Variants in PCDH15 observed in about 807,000 individuals in gnomAD.
PCDH15 encodes protocadherin related 15, also known as protocadherin-15.
A neutral mutation model predicts 178.5 loss-of-function variants in PCDH15; 129 were observed. The observed-to-expected ratio is 0.72, with a 90% CI of 0.63 to 0.84. PCDH15 has a LOEUF of 0.84. Ranked by LOEUF, PCDH15 falls within the 40% of genes least tolerant of loss-of-function variation. PCDH15 has a pLI of 0.00. For synonymous variants in PCDH15, 800 were observed against 732.0 expected, an observed-to-expected ratio of 1.09 and a Z score of -1.50; for missense variants, 2,230 against 2,099.9, an observed-to-expected ratio of 1.06 and a Z score of -1.21.
In PCDH15 at chr10:55,532,639, C is replaced by G. The variant is rs1841479463; in HGVS notation, c.-156+94986G>C. On this transcript the variant is annotated intron_variant, in intron 2 of 5. Transcript: ENST00000613346. ...ATGCTGGATGAAGCAGCTTTGTGTTCTGGCTGCCTCTGAAGCCAATGGGCA... is the reference window on the plus strand; with the variant it reads ...ATGCTGGATGAAGCAGCTTTGTGTTGTGGCTGCCTCTGAAGCCAATGGGCA... Among the ~76,000 whole-genome samples, 3 of 152,046 alleles carry G rather than the reference C, an allele frequency of 2.0e-5. No individual in the cohort carries two copies. The South Asian group carries it at 6.2e-4, about 31-fold the overall frequency.
intron 2 of PCDH15, among the ~76,000 whole-genome samples, chr10:55,538,831 C>T (rs796711513): frequency 4.6e-5 from 3 of 64,724 alleles, no homozygotes; most frequent in African/African-American, 1.3e-4. Flanking sequence ...CCTTCCTCCT[C>T]TCGTTCCTTC....
chr10:54,364,349 T>G (rs1946498984), intron 5 of PCDH15, among the ~76,000 whole-genome samples: 1 of 152,198 alleles, frequency 6.6e-6, no homozygotes, highest in Non-Finnish European at 1.5e-5. Context: ...TTAATGCCAT[T>G]TTCCAACTAT....
At chr10:54,649,221 A>G (rs970581224) in intron 2 of PCDH15, among the ~76,000 whole-genome samples, 2 of 152,226 alleles carry the variant, frequency 1.3e-5, no homozygotes, top group Non-Finnish European at 2.9e-5. Flanking sequence ...ACCTGAAGAA[A>G]GCATGAATTC....
At chr10:53,878,422 G>T (rs2080430000) in intron 26 of PCDH15, among the ~76,000 whole-genome samples, 1 of 77,258 alleles carries the variant, frequency 1.3e-5, no homozygotes, top group African/African-American at 3.8e-5. Context: ...CACACACGTT[G>T]AATATATATA....
At chr10:54,633,675 C>T (rs2093764580) in intron 2 of PCDH15, among the ~76,000 whole-genome samples, 1 of 151,950 alleles carries the variant, frequency 6.6e-6, no homozygotes, top group Non-Finnish European at 1.5e-5. Flanking sequence ...ATATGTCCTC[C>T]CCACACAAAC....
intron 2 of PCDH15, among the ~76,000 whole-genome samples, chr10:55,520,108 G>A (rs1174804493): frequency 5.0e-5 from 5 of 100,724 alleles, no homozygotes; most frequent in Admixed American, 1.0e-4. Context: ...ATATATACAC[G>A]CAATGTGTAT....
intron 21 of PCDH15, among the ~76,000 whole-genome samples, chr10:53,962,568 T>C (rs1052907592): frequency 6.6e-6 from 1 of 152,182 alleles, no homozygotes; most frequent in African/African-American, 2.4e-5. Flanking sequence ...ACGCTAACAA[T>C]TGCTAGATGC....
chr10:53,854,256 G>C (rs1028528914), intron 28 of PCDH15, among the ~76,000 whole-genome samples: 19 of 151,912 alleles, frequency 1.3e-4, no homozygotes, highest in African/African-American at 3.6e-4. Flanking sequence ...CCAGAGTCTA[G>C]GGGTAAGGCT....
intron 1 of PCDH15, among the ~76,000 whole-genome samples, chr10:54,673,385 A>G (rs1024542866): frequency 7.9e-5 from 12 of 152,032 alleles, no homozygotes; most frequent in African/African-American, 2.4e-4. Flanking sequence ...TCATCCAAGC[A>G]TGTCATTTTT....
At chr10:53,976,601 C>A (rs372347990) in intron 21 of PCDH15, among the ~76,000 whole-genome samples, 15 of 152,208 alleles carry the variant, frequency 9.9e-5, no homozygotes, top group African/African-American at 3.4e-4. Context: ...ATTTTTATAG[C>A]ACATATGCTT....
At chr10:55,157,568 A>G (rs1838924624) in intron 2 of PCDH15, among the ~76,000 whole-genome samples, 1 of 150,852 alleles carries the variant, frequency 6.6e-6, no homozygotes, top group Non-Finnish European at 1.5e-5. Flanking sequence ...ATGTCCAACA[A>G]TGATAGACTG....
chr10:54,441,837 G>A (rs1164849790), intron 3 of PCDH15, among the ~76,000 whole-genome samples: 1 of 151,762 alleles, frequency 6.6e-6, no homozygotes, highest in Non-Finnish European at 1.5e-5. Flanking sequence ...ACAGGGAAAG[G>A]CCGGGGGACC....
chr10:54,862,086 A>C (rs1953854030), intron 3 of PCDH15, among the ~76,000 whole-genome samples: 1 of 152,200 alleles, frequency 6.6e-6, no homozygotes. Context: ...TGGAATATGA[A>C]TAATAATTAC....
intron 3 of PCDH15, among the ~76,000 whole-genome samples, chr10:54,811,527 G>T (rs1016616681): frequency 6.6e-6 from 1 of 152,080 alleles, no homozygotes; most frequent in Non-Finnish European, 1.5e-5. Flanking sequence ...CTGGAGTACA[G>T]TGGCAAGGTC....
At chr10:54,616,092 T>G (rs2093138000) in intron 2 of PCDH15, among the ~76,000 whole-genome samples, 1 of 152,042 alleles carries the variant, frequency 6.6e-6, no homozygotes, top group Non-Finnish European at 1.5e-5. Flanking sequence ...GCAAAGCCTT[T>G]AAAAATGTGT....
In PCDH15 at chr10:54,953,509, CATT is replaced by C. The variant is rs563406345; in HGVS notation, c.-79-56012_-79-56010del. Among the ~76,000 whole-genome samples the C allele has an allele frequency of 1.7e-4, 26 of 151,482 alleles. 1 individual carries two copies. The South Asian group carries it at 5.0e-3, about 29-fold the overall frequency. ...AATTTTTCTTGGCTTCTTAAGAAAT[CATT>C]ATAATACACCTAATCTATTGCTATA... On this transcript the variant is annotated intron_variant, in intron 2 of 5. Coordinates refer to the PCDH15 transcript ENST00000458638.
chr10:53,885,957 A>ATTTC (rs2081063138), intron 26 of PCDH15, among the ~76,000 whole-genome samples: 1 of 152,202 alleles, frequency 6.6e-6, no homozygotes, highest in Non-Finnish European at 1.5e-5. Flanking sequence ...AATTCTGGAA[A>ATTTC]GAGAGGCCCA....
At chr10:54,266,708 G>T (rs1307952356) in intron 8 of PCDH15, among the ~76,000 whole-genome samples, 1 of 151,778 alleles carries the variant, frequency 6.6e-6, no homozygotes, top group Non-Finnish European at 1.5e-5. Context: ...AGGAGAAATG[G>T]ATACCTTCCT....
intron 2 of PCDH15, among the ~76,000 whole-genome samples, chr10:54,903,484 G>T (rs1225282051): frequency 6.6e-5 from 10 of 151,636 alleles, no homozygotes; most frequent in Non-Finnish European, 1.3e-4. Context: ...CCCCTGTATA[G>T]GTCACATATA....
Sources: allele counts gnomAD v4.1 joint callset (sites outside exome capture counted in the v4.1 genomes callset), GRCh38; gene constraint gnomAD v4.1.1; transcripts MANE v1.5; gene names NCBI Gene and HGNC (gene_info 2026-07-23, HGNC 2026-07-21).